The following SMARCA5 variants were observed in gnomAD, a reference collection of about 807,000 sequenced individuals.
SMARCA5 encodes the protein SWI/SNF-related matrix-associated actin-dependent regulator of chromatin subfamily A member 5.
A neutral mutation model predicts 140.4 loss-of-function variants in SMARCA5; 18 were observed. That is an observed-to-expected ratio of 0.13 (90% CI 0.09 to 0.19). The LOEUF is 0.19. Among genes scored for constraint, SMARCA5 ranks in the 10% least tolerant of loss-of-function variants. The pLI, the probability that SMARCA5 is intolerant of heterozygous loss-of-function variation, is 1.00. For missense variants in SMARCA5, 606 were observed against 1,276.8 expected, an observed-to-expected ratio of 0.47 and a Z score of 8.01; for synonymous variants, 449 against 419.6, an observed-to-expected ratio of 1.07 and a Z score of -0.86.
At chr4:143,517,921 A>G (rs1030781792) in intron 2 of SMARCA5, among the ~76,000 whole-genome samples, 4 of 152,196 alleles carry the variant, frequency 2.6e-5, no homozygotes, top group African/African-American at 9.6e-5. Flanking sequence ...TATAACTTCC[A>G]TATCTTATGT....
At chr4:143,534,496 A>C (rs186100919) in intron 9 of SMARCA5, among the ~76,000 whole-genome samples, 1 of 152,344 alleles carries the variant, frequency 6.6e-6, no homozygotes, top group Non-Finnish European at 1.5e-5. Context: ...ATTATTCCCT[A>C]AACGGTATAG....
chr4:143,543,573 T>C lies in SMARCA5; in HGVS notation c.1968T>C (p.His656=). ...GKDEMLQMIR[H]GATHVFASKE... ...ATGAAATGCTTCAAATGATTAGACA[T>C]GGAGCAACACATGTGTTTGCTTCAA... The change falls in exon 15 of 24, where the codon CAT becomes CAC. Residue 656 remains histidine (H), a synonymous_variant. Transcript: ENST00000283131. 6.2e-7 allele frequency: 1 copy of C among 1,611,466 alleles called. No individual in the cohort carries two copies. Among genetic ancestry groups the C allele is most frequent in the Non-Finnish European group, 8.5e-7 (1 of 1,177,778 alleles).
chr4:143,518,494 C>T (rs778571877), intron 2 of SMARCA5, among the ~76,000 whole-genome samples: 2 of 152,016 alleles, frequency 1.3e-5, no homozygotes, highest in African/African-American at 4.8e-5. Flanking sequence ...TCTTCAGTAC[C>T]CAGAACAGTA....
At chr4:143,542,694 AC>A (rs1336735155) in intron 14 of SMARCA5, among the ~76,000 whole-genome samples, 1 of 152,158 alleles carries the variant, frequency 6.6e-6, no homozygotes, top group African/African-American at 2.4e-5. Flanking sequence ...GAGGGTGAAA[AC>A]AAGTCTTTCT....
chr4:143,527,515 C>T (rs1006760817), intron 6 of SMARCA5, among the ~76,000 whole-genome samples: 1 of 152,168 alleles, frequency 6.6e-6, no homozygotes, highest in Admixed American at 6.5e-5. Context: ...TGCTAACTAT[C>T]TTTCCACCCT....
chr4:143,548,393 A>G (rs911576790), intron 22 of SMARCA5, among the ~76,000 whole-genome samples: 5 of 152,060 alleles, frequency 3.3e-5, no homozygotes, highest in African/African-American at 7.2e-5. Context: ...ATCAGTTTCA[A>G]CTTCTGAGTG....
intron 23 of SMARCA5, among the ~76,000 whole-genome samples, chr4:143,551,077 G>A (rs773751977): frequency 3.9e-5 from 6 of 151,900 alleles, no homozygotes; most frequent in Admixed American, 1.3e-4. Context: ...ATTTGTTATT[G>A]CCTGACTTTT....
chr4:143,530,394 G>C (rs1737161025), intron 8 of SMARCA5, 64 bp from the exon 9 acceptor site: 2 of 954,806 alleles, frequency 2.1e-6, no homozygotes, highest in Non-Finnish European at 3.2e-6. Context: ...TTCTATATCT[G>C]GTATTATAGG....
Position 143,555,550 on chromosome 4 carries a change from C to A in SMARCA5, c.*2366C>A. On this transcript the variant is annotated 3_prime_UTR_variant, in exon 24 of 24. Coordinates refer to ENST00000283131, the MANE Select transcript of SMARCA5 (RefSeq NM_003601.4). ...TTGCTAAATGTTTTAATAATCTGATCATGATACTGAATAAATGTCTTTTTT... is the reference window on the plus strand; with the variant it reads ...TTGCTAAATGTTTTAATAATCTGATAATGATACTGAATAAATGTCTTTTTT... The A allele has an allele frequency of 2.8e-6, 1 of 356,292 alleles. No individual in the cohort carries two copies. 22.1% of individuals were successfully genotyped at this position (356,292 alleles called of 1,614,324 possible). A position where few individuals can be genotyped will look rare whatever the true frequency, so the allele number is the denominator to read the frequency against.
chr4:143,550,465 T>TTAAC (rs753708030), intron 23 of SMARCA5, among the ~76,000 whole-genome samples: 1 of 152,012 alleles, frequency 6.6e-6, no homozygotes, highest in Non-Finnish European at 1.5e-5. Flanking sequence ...TAACTCTTAG[T>TTAAC]TATTTTAAAA....
At chr4:143,525,376 GTGTAGGCTTAGATGAAGAGATTGCCT>G in intron 4 of SMARCA5, 49 bp from the exon 5 acceptor site, 3 of 896,896 alleles carry the variant, frequency 3.3e-6, no homozygotes, top group Non-Finnish European at 5.6e-6. Context: ...CAGTAGATAT[GTGTAGGCTTAGATGAAGAGATTGCCT>G]TGTATTTCTT....
chr4:143,534,308 G>A (rs1737258958), intron 9 of SMARCA5, among the ~76,000 whole-genome samples: 1 of 151,974 alleles, frequency 6.6e-6, no homozygotes, highest in Non-Finnish European at 1.5e-5. Context: ...TAATGGTCTT[G>A]TATTACTACC....
At position 143,545,587 on chromosome 4, in the gene SMARCA5, A is replaced by G; in HGVS notation, c.2397+4A>G. On this transcript the variant is annotated splice_donor_region_variant and intron_variant, in intron 18 of 23. Transcript: ENST00000283131. ...CAGAAAAACTATTGGGTACAAGGTA[A>G]TTGAAATTATCTGCCTTTCTGTTCA... The G allele has an allele frequency of 1.4e-6, 2 of 1,473,632 alleles. No homozygotes were observed. The highest frequency in any genetic ancestry group is 1.9e-6 in the Non-Finnish European group (2 of 1,056,538). The allele number at this position is 1,473,632 out of a possible 1,614,324, so 91.3% of individuals were successfully genotyped here.
chr4:143,555,035 C>G lies in SMARCA5; in HGVS notation c.*1851C>G, dbSNP rs1222013482. ...GTTTTAACCTGTCACTTCCCTGTCA[C>G]TTCTCTGGCTTTCCTCTCCCGCTAA... On this transcript the variant is annotated 3_prime_UTR_variant, in exon 24 of 24. Transcript: ENST00000283131. 1 of 536,260 alleles carries G rather than the reference C, an allele frequency of 1.9e-6. No individual in the cohort carries two copies. The highest frequency in any genetic ancestry group is 3.5e-6 in the Non-Finnish European group (1 of 282,304). 33.2% of individuals were successfully genotyped at this position (536,260 alleles called of 1,614,324 possible).
At chr4:143,550,966 G>A (rs1341836436) in intron 23 of SMARCA5, among the ~76,000 whole-genome samples, 2 of 151,962 alleles carry the variant, frequency 1.3e-5, no homozygotes, top group Admixed American at 6.6e-5. Context: ...CTTATCTGTA[G>A]TTTTTTGAGG....
intron 9 of SMARCA5, among the ~76,000 whole-genome samples, chr4:143,532,889 G>A (rs1172788785): frequency 6.6e-6 from 1 of 152,160 alleles, no homozygotes; most frequent in Non-Finnish European, 1.5e-5. Context: ...GGGGCTAAAG[G>A]TCTTCACTTA....
intron 6 of SMARCA5, among the ~76,000 whole-genome samples, chr4:143,527,269 T>G (rs1289213320): frequency 6.6e-6 from 1 of 152,198 alleles, no homozygotes; most frequent in Non-Finnish European, 1.5e-5. Flanking sequence ...TGAATAGCTG[T>G]GTACTTGTTT....
rs1305204610 is a variant in SMARCA5, at chr4:143,538,057, C to G, written c.1496-533C>G. ...AAATGATCCTTTGTCTTGATATATT[C>G]TACTGAAGGTATTATGTAGCTGCCT... On this transcript the variant is annotated intron_variant, in intron 11 of 23. Coordinates refer to ENST00000283131, the MANE Select transcript of SMARCA5 (RefSeq NM_003601.4). 3.6e-4 allele frequency among the ~76,000 whole-genome samples: 54 copies of G among 152,024 alleles called. 1 individual carries two copies. The highest frequency in any genetic ancestry group is 3.5e-3 in the Admixed American group (54 of 15,244).
intron 10 of SMARCA5, 110 bp from the exon 11 acceptor site, chr4:143,536,342 T>C: frequency 1.4e-6 from 1 of 716,150 alleles, no homozygotes; most frequent in Non-Finnish European, 2.4e-6. Context: ...GATGAGTAGT[T>C]TCTTACAGAT....
Sources: gnomAD v4.1 joint callset for allele counts (sites outside exome capture counted in the v4.1 genomes callset) on GRCh38, gnomAD v4.1.1 for gene constraint, MANE v1.5 for transcripts, NCBI Gene and HGNC (gene_info 2026-07-23, HGNC 2026-07-21) for gene names.